The following SAMD12 variants were observed in gnomAD, a reference collection of about 807,000 sequenced individuals.
SAMD12 encodes sterile alpha motif domain-containing protein 12.
Under a neutral mutation model 15.0 loss-of-function variants are expected in SAMD12, and 9 were observed. The ratio of observed to expected loss-of-function variants is 0.60; its 90% CI spans 0.36 to 1.05. The LOEUF (loss-of-function observed/expected upper bound fraction) is 1.05, where lower values mean the gene tolerates loss of function less well. SAMD12 is among the 50% of genes least tolerant of loss of function. The pLI is 0.01. For missense variants in SAMD12, 230 were observed against 234.2 expected, an observed-to-expected ratio of 0.98 and a Z score of 0.12; for synonymous variants, 86 against 90.1, an observed-to-expected ratio of 0.96 and a Z score of 0.25.
chr8:118,378,856 T>C lies in SAMD12; in HGVS notation c.*561A>G. ...TTTATTTTGTCACTTCCACAGTTAT[T>C]GAGATCTTAAGTGCTCTCATCATAT... On this transcript the variant is annotated 3_prime_UTR_variant, in exon 4 of 4. Transcript: ENST00000314727. 1 of 984,534 alleles carries C rather than the reference T, an allele frequency of 1.0e-6. No homozygotes were observed. The highest frequency in any genetic ancestry group is 1.2e-6 in the Non-Finnish European group (1 of 829,018). The allele number at this position is 984,534 out of a possible 1,614,324, so 61.0% of individuals were successfully genotyped here. A position where few individuals can be genotyped will look rare whatever the true frequency, so the allele number is the denominator to read the frequency against.
the SAMD12 span, among the ~76,000 whole-genome samples, chr8:118,169,655 C>G: frequency 2.6e-5 from 4 of 152,166 alleles, no homozygotes; most frequent in Admixed American, 6.5e-5. Context: ...ATGTTTCTTT[C>G]AGGGAGACCT....
In SAMD12 at chr8:118,565,592, A is replaced by G. The variant is rs889468121; in HGVS notation, c.192+15123T>C. Among the ~76,000 whole-genome samples the G allele has an allele frequency of 4.6e-5, 7 of 152,158 alleles. No individual in the cohort carries two copies. In the South Asian group the frequency reaches 1.5e-3, roughly 32 times the overall value. On this transcript the variant is annotated intron_variant, in intron 2 of 3. Coordinates refer to ENST00000314727, the MANE Select transcript of SAMD12 (RefSeq NM_207506.3). Reference sequence around the variant, plus strand: ...GTGACAAGTGTGACCTCTAATCTGTATATCTTTAGTTGAGATCTCTTTGGA... The same window carrying G: ...GTGACAAGTGTGACCTCTAATCTGTGTATCTTTAGTTGAGATCTCTTTGGA...
At chr8:118,377,648 A>G (rs753429034), downstream of SAMD12, among the ~76,000 whole-genome samples, 8 of 152,180 alleles carry the variant, frequency 5.3e-5, no homozygotes, top group African/African-American at 7.2e-5. Context: ...CCTGAGTACT[A>G]TCTTAGGAAA....
chr8:118,569,318 G>A (rs571128926), intron 2 of SAMD12, among the ~76,000 whole-genome samples: 1 of 152,212 alleles, frequency 6.6e-6, no homozygotes, highest in East Asian at 1.9e-4. Flanking sequence ...TATATAGGAT[G>A]TATATGAAAC....
intron 4 of SAMD12, among the ~76,000 whole-genome samples, chr8:118,298,068 T>TAC (rs1241293838): frequency 1.5e-4 from 9 of 61,830 alleles, no homozygotes; most frequent in African/African-American, 6.2e-4. Context: ...TGGGGTGTGG[T>TAC]CACACCTACC....
At chr8:118,274,832 A>C (rs1365053531) in intron 4 of SAMD12, among the ~76,000 whole-genome samples, 1 of 152,154 alleles carries the variant, frequency 6.6e-6, no homozygotes, top group Non-Finnish European at 1.5e-5. Flanking sequence ...TTATAAAGAC[A>C]TCACAATTGA....
the SAMD12 span, among the ~76,000 whole-genome samples, chr8:118,163,080 A>G: frequency 6.6e-6 from 1 of 152,152 alleles, no homozygotes; most frequent in Non-Finnish European, 1.5e-5. Flanking sequence ...AAGAACACAG[A>G]TGGAAAGGTA....
intron 2 of SAMD12, among the ~76,000 whole-genome samples, chr8:118,460,427 G>A (rs913463660): frequency 2.6e-5 from 4 of 152,132 alleles, no homozygotes; most frequent in Admixed American, 6.5e-5. Context: ...AGAGACAGGA[G>A]GAGAGAGAAA....
intron 3 of SAMD12, among the ~76,000 whole-genome samples, chr8:118,381,727 G>C (rs1055375536): frequency 6.6e-6 from 1 of 152,198 alleles, no homozygotes; most frequent in African/African-American, 2.4e-5. Context: ...GCTCCACTAA[G>C]AAGCTGAATT....
chr8:118,572,051 G>A (rs1294060246), intron 2 of SAMD12, among the ~76,000 whole-genome samples: 2 of 152,218 alleles, frequency 1.3e-5, no homozygotes, highest in East Asian at 1.9e-4. Context: ...AACCCACAGG[G>A]GTGGAGCTGC....
At chr8:118,536,449 C>A (rs34944228) in intron 2 of SAMD12, among the ~76,000 whole-genome samples, 47,321 of 149,208 alleles carry the variant, frequency 0.32, 8,007 homozygotes, top group Admixed American at 0.4. Context: ...CACAAACACA[C>A]ACACACACAC....
At chr8:118,225,440 C>A (rs1812167859) in intron 4 of SAMD12, among the ~76,000 whole-genome samples, 1 of 152,132 alleles carries the variant, frequency 6.6e-6, no homozygotes, top group Non-Finnish European at 1.5e-5. Flanking sequence ...CAAAGTTGTG[C>A]TGCCAGGGTT....
chr8:118,531,240 G>C (rs369249607), intron 2 of SAMD12, among the ~76,000 whole-genome samples: 9 of 152,162 alleles, frequency 5.9e-5, no homozygotes, highest in East Asian at 1.9e-4. Context: ...GATGGTTGTA[G>C]ATATGTGGTA....
Position 118,326,958 on chromosome 8 carries a change from C to T in SAMD12, c.433+52602G>A, listed in dbSNP as rs913544497. Among the ~76,000 whole-genome samples the T allele has an allele frequency of 5.3e-5, 8 of 152,134 alleles. No individual in the cohort carries two copies. The South Asian group carries it at 1.7e-3, about 32-fold the overall frequency. ...CAGTGAAGCAAGTCAACAATGAAAG[C>T]AACTAGAAAATAGCTATTTTGGTCC... On this transcript the variant is annotated intron_variant, in intron 4 of 4. Coordinates refer to the SAMD12 transcript ENST00000409003.
At chr8:118,196,584 A>G (rs569215817) in exon 5 of SAMD12, 2 of 152,200 alleles carry the variant, frequency 1.3e-5, no homozygotes, top group Admixed American at 1.3e-4. Flanking sequence ...TAAGGAACCT[A>G]GTATAGGACT....
At chr8:118,435,470 G>T (rs1822553523) in intron 3 of SAMD12, among the ~76,000 whole-genome samples, 1 of 152,048 alleles carries the variant, frequency 6.6e-6, no homozygotes, top group South Asian at 2.1e-4. Context: ...TGCAGATGAG[G>T]GGGGATTACT....
intron 2 of SAMD12, among the ~76,000 whole-genome samples, chr8:118,488,185 A>G (rs1824340808): frequency 6.6e-6 from 1 of 151,972 alleles, no homozygotes; most frequent in Non-Finnish European, 1.5e-5. Context: ...ACAGTTAATA[A>G]GACATGTATT....
At chr8:118,277,676 G>T (rs1044860800) in intron 4 of SAMD12, among the ~76,000 whole-genome samples, 1 of 151,594 alleles carries the variant, frequency 6.6e-6, no homozygotes, top group Non-Finnish European at 1.5e-5. Flanking sequence ...AATACTTTCT[G>T]TCCATTATGT....
At position 118,423,730 on chromosome 8, in the gene SAMD12, G is replaced by A. The variant is rs369084909; in HGVS notation, c.322+16102C>T. Among the ~76,000 whole-genome samples, 7 of 152,228 alleles carry A rather than the reference G, an allele frequency of 4.6e-5. No individual in the cohort carries two copies. In the East Asian group the frequency reaches 7.7e-4, roughly 17 times the overall value. On this transcript the variant is annotated intron_variant, in intron 3 of 3. Coordinates refer to ENST00000314727, the MANE Select transcript of SAMD12 (RefSeq NM_207506.3). Reference sequence around the variant, plus strand: ...TACTGTTTTTGCCACCTCTGGGCTTGTATAACATGTGAAAAGCTATCTAAG... The same window carrying A: ...TACTGTTTTTGCCACCTCTGGGCTTATATAACATGTGAAAAGCTATCTAAG...
Sources: allele counts gnomAD v4.1 joint callset (sites outside exome capture counted in the v4.1 genomes callset), GRCh38; gene constraint gnomAD v4.1.1; transcripts MANE v1.5; gene names NCBI Gene and HGNC (gene_info 2026-07-23, HGNC 2026-07-21).